Variants in KCNMA1 observed in about 807,000 individuals in gnomAD.
KCNMA1 encodes Calcium-activated potassium channel subunit alpha-1.
Under a neutral mutation model 140.0 loss-of-function variants are expected in KCNMA1, and 29 were observed. That is an observed-to-expected ratio of 0.21 (90% CI 0.15 to 0.28). The LOEUF (loss-of-function observed/expected upper bound fraction) is 0.28. Ranked by LOEUF, KCNMA1 falls within the 10% of genes least tolerant of loss-of-function variation. KCNMA1 has a pLI of 1.00. For missense variants in KCNMA1, 880 were observed against 1,602.2 expected, an observed-to-expected ratio of 0.55 and a Z score of 7.70; for synonymous variants, 612 against 611.9, an observed-to-expected ratio of 1.00 and a Z score of 0.00.
At chr10:77,291,925 A>G (rs1008311601) in intron 2 of KCNMA1, among the ~76,000 whole-genome samples, 2 of 152,212 alleles carry the variant, frequency 1.3e-5, no homozygotes, top group Admixed American at 1.3e-4. Context: ...ATTCCCCTCC[A>G]GCTCAGCTCT....
intron 1 of KCNMA1, among the ~76,000 whole-genome samples, chr10:77,554,746 C>G (rs888274575): frequency 3.3e-5 from 5 of 152,122 alleles, no homozygotes; most frequent in African/African-American, 1.2e-4. Context: ...CTTTCCAAGG[C>G]CTTCCTGTTC....
chr10:77,338,011 A>G (rs945886916), intron 2 of KCNMA1, among the ~76,000 whole-genome samples: 1 of 152,250 alleles, frequency 6.6e-6, no homozygotes, highest in Non-Finnish European at 1.5e-5. Flanking sequence ...CCTTTGTTGC[A>G]GAATCCGACT....
At chr10:77,299,672 G>A (rs2076095868) in intron 2 of KCNMA1, among the ~76,000 whole-genome samples, 1 of 152,176 alleles carries the variant, frequency 6.6e-6, no homozygotes, top group Non-Finnish European at 1.5e-5. Context: ...GAAAAACAAA[G>A]AGGGGGAAAG....
At chr10:76,887,695 T>A (rs1438375767) in intron 27 of KCNMA1, 180 bp from the exon 28 acceptor site, 2 of 707,954 alleles carry the variant, frequency 2.8e-6, no homozygotes, top group Admixed American at 2.5e-5. Context: ...CTTCCTCTGT[T>A]TAACTCAATA....
At chr10:77,032,978 T>G (rs1485465302) in intron 15 of KCNMA1, among the ~76,000 whole-genome samples, 1 of 152,100 alleles carries the variant, frequency 6.6e-6, no homozygotes, top group Non-Finnish European at 1.5e-5. Flanking sequence ...GGTTTGGGGC[T>G]GTTGAAGAGG....
At chr10:76,975,553 G>A (rs1044779125) in intron 19 of KCNMA1, among the ~76,000 whole-genome samples, 1 of 152,218 alleles carries the variant, frequency 6.6e-6, no homozygotes, top group South Asian at 2.1e-4. Context: ...TCCCGTGGTG[G>A]GGAATGCCAT....
intron 2 of KCNMA1, among the ~76,000 whole-genome samples, chr10:77,301,264 C>T (rs970842085): frequency 2.0e-5 from 3 of 152,166 alleles, no homozygotes; most frequent in Non-Finnish European, 4.4e-5. Flanking sequence ...AAATGGAGTC[C>T]TTCTTCCCAG....
chr10:77,619,682 C>T (rs908752945), intron 1 of KCNMA1, among the ~76,000 whole-genome samples: 3 of 152,128 alleles, frequency 2.0e-5, no homozygotes, highest in Admixed American at 1.3e-4. Flanking sequence ...AGAAAGAAAC[C>T]AGGACCAGCC....
At position 77,070,198 on chromosome 10, in the gene KCNMA1, G is replaced by A. The variant is rs536321229; in HGVS notation, c.1749+2899C>T. Among the ~76,000 whole-genome samples the A allele has an allele frequency of 9.3e-4, 142 of 152,242 alleles. 3 individuals carry two copies. The South Asian group carries it at 0.029, about 31-fold the overall frequency. The stretch of plus-strand genomic sequence containing the variant: ...GGTCTCATGCATGATAAAATGCCCA[G>A]TGGAAGTGGCTCACACCTATATAAT... On this transcript the variant is annotated intron_variant, in intron 14 of 27. Coordinates refer to ENST00000286628, the MANE Select transcript of KCNMA1 (RefSeq NM_001161352.2).
At chr10:77,505,399 C>T (rs888323081) in intron 1 of KCNMA1, among the ~76,000 whole-genome samples, 2 of 152,178 alleles carry the variant, frequency 1.3e-5, no homozygotes, top group Admixed American at 1.3e-4. Flanking sequence ...AAGAGCTTTA[C>T]AAGGCTCTAG....
At chr10:76,934,730 G>A (rs1371839429) in intron 23 of KCNMA1, among the ~76,000 whole-genome samples, 2 of 152,112 alleles carry the variant, frequency 1.3e-5, no homozygotes, top group Non-Finnish European at 2.9e-5. Flanking sequence ...AGGTGTCTTA[G>A]AGGGTCCATG....
At chr10:76,948,585 G>A (rs2065100280) in intron 22 of KCNMA1, among the ~76,000 whole-genome samples, 1 of 152,050 alleles carries the variant, frequency 6.6e-6, no homozygotes, top group African/African-American at 2.4e-5. Context: ...ATGCACACAT[G>A]CACACACGGA....
chr10:77,068,778 G>A (rs1363076896), intron 14 of KCNMA1, among the ~76,000 whole-genome samples: 1 of 134,426 alleles, frequency 7.4e-6, no homozygotes, highest in Non-Finnish European at 1.5e-5. Context: ...GCAATTCTGA[G>A]AACTATTTAA....
chr10:76,919,736 A>G lies in KCNMA1; in HGVS notation c.2903-4687T>C, dbSNP rs117690867. Reference sequence around the variant, plus strand: ...CATCGATAAACCACAAATACCTCCCACATAGGACAATTGTAAGGATAAAAT... The same window carrying G: ...CATCGATAAACCACAAATACCTCCCGCATAGGACAATTGTAAGGATAAAAT... On this transcript the variant is annotated intron_variant, in intron 23 of 27. Transcript: ENST00000286628. Among the ~76,000 whole-genome samples the G allele has an allele frequency of 5.2e-3, 797 of 152,152 alleles. 3 individuals are homozygous for G. Among genetic ancestry groups the G allele is most frequent in the Admixed American group, 7.9e-3 (121 of 15,258 alleles).
intron 5 of KCNMA1, among the ~76,000 whole-genome samples, chr10:77,128,230 C>T (rs1194024253): frequency 1.3e-5 from 2 of 151,930 alleles, no homozygotes; most frequent in African/African-American, 4.8e-5. Context: ...CATATATTAT[C>T]TCCCACCGTT....
intron 9 of KCNMA1, among the ~76,000 whole-genome samples, chr10:77,107,998 G>A (rs2097231857): frequency 6.6e-6 from 1 of 152,220 alleles, no homozygotes; most frequent in African/African-American, 2.4e-5. Context: ...ATGGAAGAAT[G>A]AACGAGTTTT....
chr10:77,217,924 C>G (rs2048330967), intron 3 of KCNMA1, among the ~76,000 whole-genome samples: 1 of 152,170 alleles, frequency 6.6e-6, no homozygotes. Flanking sequence ...GACCAAAATG[C>G]TTTACAAAGG....
chr10:76,919,982 TTGTGTGTGTGTG>T (rs1196371060), intron 23 of KCNMA1, among the ~76,000 whole-genome samples: 42 of 77,614 alleles, frequency 5.4e-4, no homozygotes, highest in African/African-American at 2.0e-3. Flanking sequence ...GCAATGAGCA[TTGTGTGTGTGTG>T]TGTGTGTGTG....
intron 3 of KCNMA1, among the ~76,000 whole-genome samples, chr10:77,188,928 G>T (rs1850287): frequency 6.6e-6 from 1 of 151,804 alleles, no homozygotes; most frequent in Admixed American, 6.6e-5. Flanking sequence ...AGGATCACCC[G>T]CTCCTCACAG....
Sources: gnomAD v4.1 joint callset for allele counts (sites outside exome capture counted in the v4.1 genomes callset) on GRCh38, gnomAD v4.1.1 for gene constraint, MANE v1.5 for transcripts, NCBI Gene and HGNC (gene_info 2026-07-23, HGNC 2026-07-21) for gene names.